FYB2: variants seen among roughly 807,000 people sequenced by gnomAD.
The protein encoded by FYB2 is FYN-binding protein 2.
Under a neutral mutation model 94.1 loss-of-function variants are expected in FYB2, and 103 were observed. That is an observed-to-expected ratio of 1.09 (90% CI 0.93 to 1.29). FYB2 has a LOEUF of 1.29. Among genes scored for constraint, FYB2 ranks in the 50% most tolerant of loss-of-function variants. FYB2 has a pLI of 0.00. For synonymous variants in FYB2, 293 were observed against 287.9 expected (o/e 1.02, Z -0.18); for missense variants, 896 against 841.5 (o/e 1.06, Z -0.80).
At chr1:56,806,004 C>A (rs1242603200) in intron 1 of FYB2, among the ~76,000 whole-genome samples, 3 of 152,184 alleles carry the variant, frequency 2.0e-5, no homozygotes, top group Non-Finnish European at 4.4e-5. Context: ...CAACTCTATG[C>A]TATACGACAT....
intron 1 of FYB2, among the ~76,000 whole-genome samples, chr1:56,815,296 C>CACCA (rs1366780672): frequency 1.3e-5 from 2 of 152,164 alleles, no homozygotes; most frequent in Non-Finnish European, 2.9e-5. Context: ...TCAGCTAAGA[C>CACCA]ACCAGCTTCT....
intron 5 of FYB2, among the ~76,000 whole-genome samples, chr1:56,760,624 T>C (rs914485174): frequency 6.6e-6 from 1 of 152,190 alleles, no homozygotes; most frequent in African/African-American, 2.4e-5. Context: ...ATTTATTTAC[T>C]TGTCTATGCT....
chr1:56,736,424 CTTTTT>C (rs59242700), intron 15 of FYB2, among the ~76,000 whole-genome samples: 1 of 120,004 alleles, frequency 8.3e-6, no homozygotes, highest in African/African-American at 3.3e-5. Context: ...TTAAGGATGG[CTTTTT>C]TTTTTTTTTT....
intron 4 of FYB2, among the ~76,000 whole-genome samples, chr1:56,775,179 A>G (rs1645847362): frequency 6.6e-6 from 1 of 152,046 alleles, no homozygotes; most frequent in Admixed American, 6.6e-5. Flanking sequence ...CTTCTAGAGA[A>G]CCCTGACTAA....
chr1:56,759,808 T>G (rs1201010124), intron 5 of FYB2, among the ~76,000 whole-genome samples: 1 of 152,032 alleles, frequency 6.6e-6, no homozygotes, highest in African/African-American at 2.4e-5. Context: ...TTTGGCCAGG[T>G]GTGGTGGCTC....
In FYB2 at chr1:56,777,197, G is replaced by A. The variant is rs1435340106; in HGVS notation, c.954-9259C>T. Among the ~76,000 whole-genome samples the A allele has an allele frequency of 2.7e-4, 2 of 7,308 alleles. 1 individual carries two copies. The highest frequency in any genetic ancestry group is 3.6e-4 in the Non-Finnish European group (2 of 5,568). The allele number at this position is 7,308 out of a possible 152,430, so 4.8% of individuals were successfully genotyped here. A position where few individuals can be genotyped will look rare whatever the true frequency, so the allele number is the denominator to read the frequency against. On this transcript the variant is annotated intron_variant, in intron 4 of 19. Transcript: ENST00000343433. ...TGCAGTGAGCCGAGATCCCGCCACT[G>A]CACTCCAGCCTGGGCGACAGAGCGA... is the stretch of plus-strand genomic sequence containing the variant.
Position 56,816,652 on chromosome 1 carries a change from G to C in FYB2, c.9+2630C>G, listed in dbSNP as rs531450262. 6.5e-4 allele frequency among the ~76,000 whole-genome samples: 99 copies of C among 152,210 alleles called. 2 individuals are homozygous for C. In the South Asian group the frequency reaches 0.02, roughly 31 times the overall value. On this transcript the variant is annotated intron_variant, in intron 1 of 19. Coordinates refer to ENST00000343433, the MANE Select transcript of FYB2 (RefSeq NM_001004303.5). ...CTACTACACACCCAGTGCTATTCTA[G>C]ATAATGTAGATATATTATCAAGATG...
At chr1:56,823,498 G>A (rs1647005126), upstream of FYB2, among the ~76,000 whole-genome samples, 1 of 152,118 alleles carries the variant, frequency 6.6e-6, no homozygotes, top group Admixed American at 6.5e-5. Flanking sequence ...GTTCAAGAAA[G>A]GTCTTGCTTC....
At chr1:56,736,980 A>G (rs1264122511) in intron 15 of FYB2, 107 bp downstream of exon 15, 7 of 869,142 alleles carry the variant, frequency 8.1e-6, no homozygotes, top group Non-Finnish European at 9.1e-6. Flanking sequence ...TTGACTTTTC[A>G]TTCAATCTCC....
Position 56,737,089 on chromosome 1 carries a change from T to G in FYB2, c.1791A>C (p.Ser597=). 1 of 1,599,652 alleles carries G rather than the reference T, an allele frequency of 6.3e-7. No homozygotes were observed. The highest frequency in any genetic ancestry group is 8.6e-7 in the Non-Finnish European group (1 of 1,169,164). ...YDDVDLSEKE[S]KDEDKLKMWK... ...GACCAATAAGGTAAATTACTTACTT[T>G]GACTCTTTTTCACTCAGGTCTACAT... The change falls in exon 15 of 20, where the codon TCA becomes TCC. Residue 597 remains serine, a splice_region_variant and synonymous_variant. Transcript: ENST00000343433.
intron 4 of FYB2, among the ~76,000 whole-genome samples, chr1:56,768,790 C>A (rs1235542949): frequency 6.6e-6 from 1 of 151,900 alleles, no homozygotes; most frequent in African/African-American, 2.4e-5. Context: ...AATGGGGGAC[C>A]TAAATAATAG....
intron 5 of FYB2, among the ~76,000 whole-genome samples, chr1:56,765,865 A>G (rs1645609644): frequency 6.6e-6 from 1 of 152,130 alleles, no homozygotes. Flanking sequence ...TTTTAGCTGT[A>G]CTTAGCAGGA....
At chr1:56,767,166 A>C (rs1645643222) in intron 5 of FYB2, among the ~76,000 whole-genome samples, 1 of 152,238 alleles carries the variant, frequency 6.6e-6, no homozygotes, top group South Asian at 2.1e-4. Context: ...TTATTCCAGC[A>C]CTAAAATGTG....
intron 9 of FYB2, among the ~76,000 whole-genome samples, chr1:56,745,877 C>G (rs1315312240): frequency 6.6e-6 from 1 of 151,926 alleles, no homozygotes; most frequent in Non-Finnish European, 1.5e-5. Context: ...CCACACTGGC[C>G]TCCTTGCAGC....
intron 2 of FYB2, 80 bp from the exon 3 acceptor site, chr1:56,789,214 C>G: frequency 6.9e-7 from 1 of 1,443,734 alleles, no homozygotes; most frequent in Non-Finnish European, 9.3e-7. Context: ...TTCCTTGCCT[C>G]CATCTAAGTC....
intron 1 of FYB2, among the ~76,000 whole-genome samples, chr1:56,793,232 A>C (rs1470239645): frequency 1.3e-5 from 2 of 152,166 alleles, no homozygotes; most frequent in Non-Finnish European, 2.9e-5. Context: ...TATGATCTCC[A>C]ACCACAGCCA....
At chr1:56,753,794 G>A in intron 8 of FYB2, 45 bp downstream of exon 8, 1 of 1,384,762 alleles carries the variant, frequency 7.2e-7, no homozygotes, top group Non-Finnish European at 1.0e-6. Flanking sequence ...CCCATGAACT[G>A]ATCTGTTATA....
intron 12 of FYB2, among the ~76,000 whole-genome samples, chr1:56,741,870 A>T (rs1427830332): frequency 2.0e-5 from 3 of 152,080 alleles, no homozygotes; most frequent in Admixed American, 6.6e-5. Context: ...TTCTAACCCA[A>T]TATCAAAATC....
chr1:56,817,950 G>T (rs919475060), intron 1 of FYB2, among the ~76,000 whole-genome samples: 4 of 152,194 alleles, frequency 2.6e-5, no homozygotes, highest in African/African-American at 9.7e-5. Context: ...TACTGAGCAA[G>T]TGATAACATT....
Sources: gnomAD v4.1 joint callset for allele counts (sites outside exome capture counted in the v4.1 genomes callset) on GRCh38, gnomAD v4.1.1 for gene constraint, MANE v1.5 for transcripts, NCBI Gene and HGNC (gene_info 2026-07-23, HGNC 2026-07-21) for gene names.